SYNE2: variants seen among roughly 807,000 people sequenced by gnomAD.
SYNE2 encodes the protein spectrin repeat containing nuclear envelope protein 2, also known as nesprin-2.
SYNE2 carries 431 observed loss-of-function variants against 856.3 expected under a neutral mutation model. The ratio of observed to expected loss-of-function variants is 0.50; its 90% CI spans 0.47 to 0.55. SYNE2 has a LOEUF of 0.55. SYNE2 is among the 20% of genes least tolerant of loss of function. SYNE2 has a pLI of 0.00. For synonymous variants in SYNE2, 2,923 were observed against 2,872.3 expected, an observed-to-expected ratio of 1.02 and a Z score of -0.56; for missense variants, 8,129 against 8,023.2, an observed-to-expected ratio of 1.01 and a Z score of -0.50.
chr14:63,841,037 A>G lies in SYNE2; in HGVS notation c.-304-11464A>G, dbSNP rs1260471845. On this transcript the variant is annotated intron_variant, in intron 1 of 23. Coordinates refer to the SYNE2 transcript ENST00000674003. ...CTCAAAAACAAAACAAAACAAAACA[A>G]AACAAAAAACTGTGGAAAGGAGACA... is the stretch of plus-strand genomic sequence containing the variant. Among the ~76,000 whole-genome samples, 4 of 152,096 alleles carry G rather than the reference A, an allele frequency of 2.6e-5. No individual in the cohort carries two copies. The East Asian group carries it at 7.7e-4, about 29-fold the overall frequency.
In SYNE2 at chr14:63,855,442, T is replaced by C. The variant is rs114934060; in HGVS notation, c.-52+2299T>C. Among the ~76,000 whole-genome samples, 1,089 of 152,286 alleles carry C rather than the reference T, an allele frequency of 7.2e-3. 12 individuals are homozygous for C. The highest frequency in any genetic ancestry group is 0.025 in the African/African-American group (1,027 of 41,566). The stretch of plus-strand genomic sequence containing the variant: ...TCCATGCTGTGACTTTCCTATCTTA[T>C]CTGTTGCTCTCCTCCCTACTCGAGT... On this transcript the variant is annotated intron_variant, in intron 1 of 115. Coordinates refer to ENST00000555002, the MANE Select transcript of SYNE2 (RefSeq NM_182914.3).
intron 36 of SYNE2, 70 bp from the exon 37 acceptor site, chr14:64,021,787 G>C: frequency 6.6e-7 from 1 of 1,525,394 alleles, no homozygotes; most frequent in Non-Finnish European, 9.1e-7. Flanking sequence ...AAACAATTGA[G>C]ATCTAATATG....
chr14:63,948,168 C>CACAG (rs1407849814), intron 6 of SYNE2, among the ~76,000 whole-genome samples: 5 of 36,556 alleles, frequency 1.4e-4, no homozygotes, highest in African/African-American at 2.8e-4. Context: ...CACACACATA[C>CACAG]ACACACACAC....
At position 64,214,267 on chromosome 14, in the gene SYNE2, C is replaced by A. The variant is rs766273285; in HGVS notation, c.19130C>A (p.Ser6377Tyr). 14 of 1,613,924 alleles carry A rather than the reference C, an allele frequency of 8.7e-6. No individual in the cohort carries two copies. Among genetic ancestry groups the A allele is most frequent in the Non-Finnish European group, 1.1e-5 (13 of 1,180,024 alleles). Residue 6377 changes from serine to tyrosine, a missense_variant, in exon 106 of 116, where the codon TCT (serine) becomes TAT (tyrosine). This residue lies in a region of SYNE2 where 5,410 missense variants were observed against 5,284.8 expected (regional missense o/e 1.02). Transcript: ENST00000555002. ...MEDPREIQTD[S>Y]WRKRGESEEP... Reference sequence around the variant, plus strand: ...GACCCCAGAGAAATCCAGACTGATTCTTGGCGTAAACGGGGAGAGAGCGAG... The same window carrying A: ...GACCCCAGAGAAATCCAGACTGATTATTGGCGTAAACGGGGAGAGAGCGAG...
At chr14:64,004,973 C>T (rs770407223) in intron 30 of SYNE2, among the ~76,000 whole-genome samples, 1 of 152,118 alleles carries the variant, frequency 6.6e-6, no homozygotes, top group African/African-American at 2.4e-5. Context: ...AGAAGGTGGC[C>T]TTGGCATCAG....
At chr14:64,217,950 CTG>C (rs2098674684) in intron 108 of SYNE2, among the ~76,000 whole-genome samples, 2 of 152,202 alleles carry the variant, frequency 1.3e-5, no homozygotes, top group African/African-American at 4.8e-5. Flanking sequence ...GATTCATCCT[CTG>C]TGCATTTCTG....
chr14:63,961,224 C>T (rs1162255905), intron 8 of SYNE2, among the ~76,000 whole-genome samples: 2 of 152,234 alleles, frequency 1.3e-5, no homozygotes, highest in Admixed American at 6.5e-5. Context: ...TCTTCATCCT[C>T]TCTGACTACT....
At chr14:63,963,456 T>C (rs2096349068) in intron 9 of SYNE2, among the ~76,000 whole-genome samples, 1 of 152,228 alleles carries the variant, frequency 6.6e-6, no homozygotes, top group Non-Finnish European at 1.5e-5. Flanking sequence ...GTAATTGTTG[T>C]TCACATCTTA....
intron 101 of SYNE2, 80 bp downstream of exon 101, chr14:64,209,025 T>G: frequency 6.6e-7 from 1 of 1,511,652 alleles, no homozygotes; most frequent in South Asian, 1.2e-5. Flanking sequence ...TCACAGTAAC[T>G]ATTCTGTTCA....
At chr14:63,985,095 C>G (rs758936877) in intron 18 of SYNE2, among the ~76,000 whole-genome samples, 1 of 152,138 alleles carries the variant, frequency 6.6e-6, no homozygotes, top group Non-Finnish European at 1.5e-5. Context: ...TTTGGAAGGC[C>G]AAGGCAGGCA....
intron 108 of SYNE2, among the ~76,000 whole-genome samples, chr14:64,218,002 A>C (rs1293561474): frequency 2.0e-5 from 3 of 152,234 alleles, no homozygotes; most frequent in African/African-American, 7.2e-5. Flanking sequence ...ACAGAGTGAC[A>C]GGGATAACTA....
chr14:63,990,049 A>G (rs1345863480), intron 19 of SYNE2, among the ~76,000 whole-genome samples: 2 of 152,206 alleles, frequency 1.3e-5, no homozygotes. Context: ...TTATTTTCCA[A>G]CAGCTATTTT....
chr14:64,074,764 C>T (rs907077085), intron 53 of SYNE2, among the ~76,000 whole-genome samples: 2 of 151,958 alleles, frequency 1.3e-5, no homozygotes, highest in African/African-American at 2.4e-5. Flanking sequence ...GGCATGGTAG[C>T]GTGTGCCTAT....
Position 64,025,315 on chromosome 14 carries a change from T to G in SYNE2, c.6146T>G (p.Leu2049Arg). The change falls in exon 41 of 116, where the codon CTT (leucine) becomes CGT (arginine). Residue 2049 changes from leucine to arginine, a missense_variant. This residue lies in a region of SYNE2 where 2,422 missense variants were observed against 2,357.4 expected (regional missense o/e 1.03). Transcript: ENST00000555002. Reference protein sequence around the residue: ...LPTEDQSFNDLAHDVIHWIKE... With the variant: ...LPTEDQSFNDRAHDVIHWIKE... ...ACAGAGGACCAGAGCTTTAATGATC[T>G]TGCACATGATGTAATTCATTGGATA... 1.2e-6 allele frequency: 2 copies of G among 1,614,132 alleles called. No individual in the cohort carries two copies. Among genetic ancestry groups the G allele is most frequent in the Non-Finnish European group, 1.7e-6 (2 of 1,179,996 alleles).
rs201269146 is a variant in SYNE2, at chr14:64,141,395, A to G, written c.15031A>G (p.Ile5011Val). The G allele has an allele frequency of 1.9e-4, 311 of 1,614,008 alleles. No homozygotes were observed. Among genetic ancestry groups the G allele is most frequent in the Non-Finnish European group, 2.5e-4 (295 of 1,179,998 alleles). ...CTCCTTGAAGACTGCCGTTATCAGT[A>G]TCGGGAACCAGCTTCTTCACCTGAA... The part of the protein sequence containing the change: ...KSSLKTAVIS[I>V]GNQLLHLKET... The change falls in exon 81 of 116, where the codon ATC becomes GTC. Residue 5011 changes from isoleucine (I) to valine (V), a missense_variant. Physicochemically the swap from Ile to Val is conservative, Grantham distance 29 (BLOSUM62 3). Transcript: ENST00000555002.
intron 1 of SYNE2, among the ~76,000 whole-genome samples, chr14:63,782,686 T>C (rs1887362978): frequency 6.6e-6 from 1 of 151,890 alleles, no homozygotes; most frequent in African/African-American, 2.4e-5. Context: ...AAACTTTTAC[T>C]TGTAAGAGAA....
chr14:64,065,395 G>C (rs771200129), intron 50 of SYNE2, 37 bp from the exon 51 acceptor site: 3 of 1,574,302 alleles, frequency 1.9e-6, no homozygotes, highest in South Asian at 1.1e-5. Context: ...AACCATAATA[G>C]TATGTCCCTC....
At position 63,954,906 on chromosome 14, in the gene SYNE2, G is replaced by A. The variant is rs759889097; in HGVS notation, c.778G>A (p.Glu260Lys). 2 of 1,612,190 alleles carry A rather than the reference G, an allele frequency of 1.2e-6. No homozygotes were observed. The highest frequency in any genetic ancestry group is 1.1e-5 in the South Asian group (1 of 91,056). ...EQELKIPRLL[E>K]PEDVDVVDPD... ...AGAATTAAAAATCCCCAGATTGCTG[G>A]AACCAGAAGGTAAAGAAGCTTCTTT... The change falls in exon 8 of 116, where the codon GAA becomes AAA. Residue 260 changes from glutamate to lysine, a missense_variant. This residue lies in a region of SYNE2 where 2,422 missense variants were observed against 2,357.4 expected (regional missense o/e 1.03). Transcript: ENST00000555002.
intron 84 of SYNE2, among the ~76,000 whole-genome samples, chr14:64,147,677 A>G (rs1351497787): frequency 6.6e-6 from 1 of 152,240 alleles, no homozygotes; most frequent in East Asian, 1.9e-4. Flanking sequence ...AAAATAGTTT[A>G]TATAACTAAG....
Sources: allele counts gnomAD v4.1 joint callset (sites outside exome capture counted in the v4.1 genomes callset), GRCh38; gene constraint gnomAD v4.1.1; regional missense constraint gnomAD v4.1.1; transcripts MANE v1.5; gene names NCBI Gene and HGNC (gene_info 2026-07-23, HGNC 2026-07-21).